Variants in GALNT13 observed in about 807,000 individuals in gnomAD.
GALNT13 encodes the protein UDP-GalNAc:polypeptide N-acetylgalactosaminyltransferase 13.
In GALNT13, 28 loss-of-function variants were observed where a neutral mutation model predicts 64.2. The ratio of observed to expected loss-of-function variants is 0.44; its 90% CI spans 0.32 to 0.60. GALNT13 has a LOEUF of 0.60. Among genes scored for constraint, GALNT13 ranks in the 20% least tolerant of loss-of-function variants. The probability of loss-of-function intolerance (pLI) is 0.05; values close to 1 mark genes in which losing one functional copy is unlikely to be tolerated. For synonymous variants in GALNT13, 214 were observed against 224.6 expected (o/e 0.95, Z 0.42); for missense variants, 577 against 669.8 (o/e 0.86, Z 1.53).
At chr2:153,776,624 A>G in the GALNT13 span, among the ~76,000 whole-genome samples, 15 of 152,170 alleles carry the variant, frequency 9.9e-5, no homozygotes, top group Non-Finnish European at 1.5e-4. Context: ...TCTACCCCAA[A>G]GATTTTTGAA....
the GALNT13 span, among the ~76,000 whole-genome samples, chr2:153,293,514 C>T: frequency 3.6e-3 from 553 of 152,262 alleles, 1 homozygote; most frequent in African/African-American, 0.013. Context: ...AACCAATTTT[C>T]TCCTAGAGTC....
At chr2:153,529,895 T>C in the GALNT13 span, among the ~76,000 whole-genome samples, 11 of 151,972 alleles carry the variant, frequency 7.2e-5, no homozygotes, top group Admixed American at 6.6e-4. Context: ...CAGAACATAA[T>C]AACATAATAA....
chr2:154,158,339 A>G (rs1379733694), intron 4 of GALNT13, among the ~76,000 whole-genome samples: 2 of 152,110 alleles, frequency 1.3e-5, no homozygotes, highest in Non-Finnish European at 2.9e-5. Flanking sequence ...TTCTCTTACT[A>G]TCAACATCTG....
At chr2:154,010,072 T>C (rs1696526943) in intron 3 of GALNT13, among the ~76,000 whole-genome samples, 2 of 152,218 alleles carry the variant, frequency 1.3e-5, no homozygotes, top group African/African-American at 2.4e-5. Context: ...GCAGGAATTA[T>C]GGATTTCTCA....
At chr2:154,079,582 G>A (rs1701166165) in intron 3 of GALNT13, among the ~76,000 whole-genome samples, 1 of 151,496 alleles carries the variant, frequency 6.6e-6, no homozygotes, top group Non-Finnish European at 1.5e-5. Flanking sequence ...AATTTTATAT[G>A]CTGGACTACT....
At chr2:153,628,557 G>T in the GALNT13 span, among the ~76,000 whole-genome samples, 432 of 151,786 alleles carry the variant, frequency 2.8e-3, 9 homozygotes, top group Admixed American at 0.023. Context: ...TAGCATGAAG[G>T]GTTGTTGAAT....
chr2:153,444,663 T>G, the GALNT13 span, among the ~76,000 whole-genome samples: 1 of 152,212 alleles, frequency 6.6e-6, no homozygotes, highest in African/African-American at 2.4e-5. Context: ...AATTTCGCCC[T>G]TTTTGGCATA....
In GALNT13 at chr2:154,317,074, G is replaced by A. The variant is rs541143388; in HGVS notation, c.1156+15485G>A. Reference sequence around the variant, plus strand: ...CTAAAAATACAAAAGTTAGCTGGGCGTGGTGGTATGCACCTGTAGTCCCAG... The same window carrying A: ...CTAAAAATACAAAAGTTAGCTGGGCATGGTGGTATGCACCTGTAGTCCCAG... On this transcript the variant is annotated intron_variant, in intron 9 of 12. Coordinates refer to ENST00000392825, the MANE Select transcript of GALNT13 (RefSeq NM_052917.4). Among the ~76,000 whole-genome samples the A allele has an allele frequency of 4.6e-5, 7 of 152,132 alleles. No homozygotes were observed. In the South Asian group the frequency reaches 1.2e-3, roughly 27 times the overall value.
chr2:153,403,595 G>T, the GALNT13 span, among the ~76,000 whole-genome samples: 822 of 152,330 alleles, frequency 5.4e-3, 10 homozygotes, highest in African/African-American at 0.019. Context: ...CTGGGCGTAG[G>T]ACCCTCCGAG....
the GALNT13 span, among the ~76,000 whole-genome samples, chr2:153,075,865 G>C: frequency 6.6e-6 from 1 of 151,822 alleles, no homozygotes; most frequent in Admixed American, 6.6e-5. Context: ...ATAAATGATG[G>C]AATAATTTAC....
the GALNT13 span, among the ~76,000 whole-genome samples, chr2:153,139,610 G>A: frequency 2.0e-5 from 3 of 151,982 alleles, no homozygotes; most frequent in African/African-American, 7.2e-5. Context: ...AAGAAGGACA[G>A]TTCAAGCTCA....
intron 9 of GALNT13, among the ~76,000 whole-genome samples, chr2:154,360,454 A>G (rs747401696): frequency 1.8e-4 from 27 of 150,694 alleles, no homozygotes; most frequent in Admixed American, 3.3e-4. Context: ...CGGAAAAACT[A>G]TGGGGGAGAG....
At chr2:153,795,205 TA>T in the GALNT13 span, among the ~76,000 whole-genome samples, 6 of 152,342 alleles carry the variant, frequency 3.9e-5, no homozygotes, top group South Asian at 1.2e-3. Context: ...TATAATATTT[TA>T]ATTTTATAGA....
the GALNT13 span, among the ~76,000 whole-genome samples, chr2:153,604,778 T>C: frequency 9.9e-5 from 15 of 152,066 alleles, no homozygotes; most frequent in African/African-American, 3.6e-4. Flanking sequence ...TTAAGAGAAA[T>C]TTAACCAATA....
chr2:153,240,404 G>GC, the GALNT13 span, among the ~76,000 whole-genome samples: 2 of 152,150 alleles, frequency 1.3e-5, no homozygotes, highest in Admixed American at 1.3e-4. Flanking sequence ...TGAACCCATA[G>GC]GGTGGTTACA....
At chr2:153,268,166 A>G in the GALNT13 span, among the ~76,000 whole-genome samples, 125,392 of 151,822 alleles carry the variant, frequency 0.83, 52,975 homozygotes, top group African/African-American at 0.91. Flanking sequence ...AGTTCCTTTT[A>G]GTTATAAGCC....
At chr2:153,792,788 T>C in the GALNT13 span, among the ~76,000 whole-genome samples, 2 of 152,082 alleles carry the variant, frequency 1.3e-5, no homozygotes, top group African/African-American at 4.8e-5. Flanking sequence ...TAGAAGAGAA[T>C]AGGAATATTC....
At chr2:153,921,146 A>G (rs1434327853) in intron 2 of GALNT13, among the ~76,000 whole-genome samples, 1 of 152,172 alleles carries the variant, frequency 6.6e-6, no homozygotes, top group Non-Finnish European at 1.5e-5. Flanking sequence ...AAGAATATAA[A>G]TCACTCTACC....
At chr2:154,204,941 T>A (rs1409680417) in intron 4 of GALNT13, among the ~76,000 whole-genome samples, 1 of 152,224 alleles carries the variant, frequency 6.6e-6, no homozygotes, top group Non-Finnish European at 1.5e-5. Context: ...TTTATTTATA[T>A]GCTGTGTTAG....
Sources: allele counts gnomAD v4.1 joint callset (sites outside exome capture counted in the v4.1 genomes callset), GRCh38; gene constraint gnomAD v4.1.1; transcripts MANE v1.5; gene names NCBI Gene and HGNC (gene_info 2026-07-23, HGNC 2026-07-21).